Variants in SIL1 observed in about 807,000 individuals in gnomAD.
The protein encoded by SIL1 is SIL1 nucleotide exchange factor.
In SIL1, 40 loss-of-function variants were observed where a neutral mutation model predicts 49.1. The ratio of observed to expected loss-of-function variants is 0.81; its 90% CI spans 0.63 to 1.06. The LOEUF (loss-of-function observed/expected upper bound fraction) is 1.06, where lower values mean the gene tolerates loss of function less well. SIL1 is among the 50% of genes least tolerant of loss of function. The probability of loss-of-function intolerance (pLI) is 0.00; values close to 1 mark genes in which losing one functional copy is unlikely to be tolerated. For synonymous variants in SIL1, 253 were observed against 250.8 expected, an observed-to-expected ratio of 1.01 and a Z score of -0.08; for missense variants, 500 against 572.6, an observed-to-expected ratio of 0.87 and a Z score of 1.29.
intron 7 of SIL1, among the ~76,000 whole-genome samples, chr5:138,981,800 G>A (rs1437006589): frequency 2.0e-5 from 3 of 152,126 alleles, no homozygotes; most frequent in Admixed American, 6.5e-5. Flanking sequence ...CCACGCTCAC[G>A]CCTGCTCTCG....
At chr5:139,030,774 A>C (rs1182090061) in intron 5 of SIL1, among the ~76,000 whole-genome samples, 1 of 152,144 alleles carries the variant, frequency 6.6e-6, no homozygotes, top group Non-Finnish European at 1.5e-5. Context: ...CTAGGATTGC[A>C]GGTGTGAGCC....
At chr5:138,976,131 A>G (rs549456664) in intron 7 of SIL1, among the ~76,000 whole-genome samples, 3 of 152,308 alleles carry the variant, frequency 2.0e-5, no homozygotes, top group African/African-American at 4.8e-5. Flanking sequence ...GAGAAAAAAC[A>G]ATGACCTTCA....
intron 1 of SIL1, among the ~76,000 whole-genome samples, chr5:139,147,035 C>A (rs1424250707): frequency 2.0e-5 from 3 of 152,196 alleles, no homozygotes; most frequent in Admixed American, 2.0e-4. Context: ...ACACAGCAAG[C>A]ACTCAGTAAA....
At chr5:139,191,814 C>A (rs62382985) in intron 1 of SIL1, among the ~76,000 whole-genome samples, 68 of 151,904 alleles carry the variant, frequency 4.5e-4, no homozygotes, top group Non-Finnish European at 8.4e-4. Context: ...CAGTGGCTCA[C>A]GCCTGTAATC....
intron 7 of SIL1, among the ~76,000 whole-genome samples, chr5:139,011,386 C>T (rs1281765826): frequency 2.0e-5 from 3 of 152,242 alleles, no homozygotes; most frequent in African/African-American, 7.2e-5. Flanking sequence ...GAGATGAACC[C>T]GGTACCTCAG....
intron 1 of SIL1, among the ~76,000 whole-genome samples, chr5:139,135,798 C>T (rs1750963217): frequency 6.6e-6 from 1 of 151,556 alleles, no homozygotes; most frequent in South Asian, 2.1e-4. Context: ...GGCATGGTGG[C>T]TCACACCTGT....
At chr5:138,954,297 C>G (rs1766852241) in intron 7 of SIL1, among the ~76,000 whole-genome samples, 1 of 152,246 alleles carries the variant, frequency 6.6e-6, no homozygotes, top group Middle Eastern at 3.2e-3. Flanking sequence ...ATGTTTTCAC[C>G]CACAGCCAAG....
chr5:139,130,294 A>T (rs80128965), intron 1 of SIL1, among the ~76,000 whole-genome samples: 52 of 152,134 alleles, frequency 3.4e-4, no homozygotes, highest in African/African-American at 1.2e-3. Flanking sequence ...TAAAAAAAAT[A>T]AAAAAAATTA....
intron 3 of SIL1, among the ~76,000 whole-genome samples, chr5:139,087,946 C>T (rs1770259513): frequency 6.6e-6 from 1 of 152,200 alleles, no homozygotes; most frequent in Non-Finnish European, 1.5e-5. Context: ...GCCAGGTGCT[C>T]ACTCCCTCCC....
chr5:138,973,976 G>A (rs545587319), intron 7 of SIL1, among the ~76,000 whole-genome samples: 5 of 151,890 alleles, frequency 3.3e-5, no homozygotes, highest in Non-Finnish European at 5.9e-5. Flanking sequence ...AATGGATCAC[G>A]CTTCTACACA....
At chr5:139,036,354 T>C (rs1399512263) in intron 5 of SIL1, among the ~76,000 whole-genome samples, 1 of 152,172 alleles carries the variant, frequency 6.6e-6, no homozygotes, top group African/African-American at 2.4e-5. Flanking sequence ...AGTTTCAATA[T>C]TCCGTGTATG....
chr5:139,016,017 G>A (rs1768389997), intron 7 of SIL1, among the ~76,000 whole-genome samples: 1 of 152,094 alleles, frequency 6.6e-6, no homozygotes. Context: ...GAGCCCAGGA[G>A]TTCAAGCTGT....
intron 7 of SIL1, among the ~76,000 whole-genome samples, chr5:138,982,168 G>A (rs1767541626): frequency 6.6e-6 from 1 of 152,228 alleles, no homozygotes; most frequent in African/African-American, 2.4e-5. Context: ...CAGTAACCAT[G>A]CCAAATGCAT....
chr5:139,137,457 C>G (rs771356341), intron 1 of SIL1: 1 of 617,890 alleles, frequency 1.6e-6, no homozygotes, highest in Non-Finnish European at 2.9e-6. Context: ...AGAAACTGGA[C>G]TCATCATTTT....
At chr5:138,989,483 T>C in intron 7 of SIL1, among the ~76,000 whole-genome samples, 1 of 151,066 alleles carries the variant, frequency 6.6e-6, no homozygotes. Flanking sequence ...AAGAGAAAAA[T>C]GGGGCCCCCA....
intron 1 of SIL1, among the ~76,000 whole-genome samples, chr5:139,161,801 C>G (rs1751519435): frequency 6.6e-6 from 1 of 151,762 alleles, no homozygotes; most frequent in Non-Finnish European, 1.5e-5. Context: ...CAGATTGAGT[C>G]CAGGAGTTTG....
intron 8 of SIL1, 44 bp downstream of exon 8, chr5:138,951,744 A>AC: frequency 6.4e-7 from 1 of 1,558,000 alleles, no homozygotes; most frequent in South Asian, 1.1e-5. Flanking sequence ...CAGGCCCCAC[A>AC]CGTGTCCTGG....
rs17131889 is a variant in SIL1 at position 138,966,982 on chromosome 5, C to G, written c.768-15098G>C. Among the ~76,000 whole-genome samples the G allele has an allele frequency of 7.4e-3, 1,124 of 152,310 alleles. 50 individuals carry two copies. The highest frequency in any genetic ancestry group is 0.064 in the Admixed American group (984 of 15,302). ...TATTTGTCAAGAAGCTGTGCTACTT[C>G]ACCAATGGACCTGCTGTGAGTATCG... On this transcript the variant is annotated intron_variant, in intron 7 of 9. Coordinates refer to ENST00000394817, the MANE Select transcript of SIL1 (RefSeq NM_022464.5).
intron 7 of SIL1, among the ~76,000 whole-genome samples, chr5:139,011,540 C>A (rs1768272439): frequency 6.6e-6 from 1 of 152,144 alleles, no homozygotes; most frequent in Non-Finnish European, 1.5e-5. Context: ...CGCTTTGTTG[C>A]CCAGGCTGGT....
Sources: gnomAD v4.1 joint callset for allele counts (sites outside exome capture counted in the v4.1 genomes callset) on GRCh38, gnomAD v4.1.1 for gene constraint, MANE v1.5 for transcripts, NCBI Gene and HGNC (gene_info 2026-07-23, HGNC 2026-07-21) for gene names.